Variants in MAT2B observed in about 807,000 individuals in gnomAD.
MAT2B encodes methionine adenosyltransferase 2 non-catalytic beta subunit.
MAT2B carries 16 observed loss-of-function variants against 36.1 expected under a neutral mutation model. The ratio of observed to expected loss-of-function variants is 0.44; its 90% CI spans 0.30 to 0.67. The LOEUF is 0.67. Among genes scored for constraint, MAT2B ranks in the 30% least tolerant of loss-of-function variants. The pLI, the probability that MAT2B is intolerant of heterozygous loss-of-function variation, is 0.09. For synonymous variants in MAT2B, 148 were observed against 136.9 expected (o/e 1.08, Z -0.57); for missense variants, 332 against 398.2 (o/e 0.83, Z 1.42).
In MAT2B at chr5:163,518,824, A is replaced by C. The variant is rs1760175232; in HGVS notation, c.*461A>C. 1 of 152,810 alleles carries C rather than the reference A, an allele frequency of 6.5e-6. No homozygotes were observed. The highest frequency in any genetic ancestry group is 1.5e-5 in the Non-Finnish European group (1 of 68,154). The allele number at this position is 152,810 out of a possible 1,614,324, so 9.5% of individuals were successfully genotyped here. On this transcript the variant is annotated 3_prime_UTR_variant, in exon 7 of 7. Transcript: ENST00000321757. ...AGCTCAGATCAAAATGTTTGAAGAA[A>C]GGAACTTTATTTTTGCAAGTTACGT...
At chr5:163,507,351 G>T (rs548290462) in intron 1 of MAT2B, among the ~76,000 whole-genome samples, 1 of 152,228 alleles carries the variant, frequency 6.6e-6, no homozygotes, top group South Asian at 2.1e-4. Flanking sequence ...GGTATCATTC[G>T]ATTAGATACG....
At chr5:163,510,136 C>T (rs1760014662) in intron 1 of MAT2B, among the ~76,000 whole-genome samples, 1 of 152,144 alleles carries the variant, frequency 6.6e-6, no homozygotes, top group African/African-American at 2.4e-5. Flanking sequence ...GTGATTATAA[C>T]AACTCTTGAG....
Position 163,517,630 on chromosome 5 carries a change from G to A in MAT2B, c.790G>A (p.Ala264Thr). Residue 264 changes from alanine to threonine, a missense_variant, in exon 6 of 7, where the codon GCA becomes ACA. By Grantham distance (58) the Ala-to-Thr change is moderately conservative. Transcript: ENST00000321757. The part of the protein sequence containing the change: ...EQMTKYEMAC[A>T]IADAFNLPSS... Reference sequence around the variant, plus strand: ...GATGACTAAGTATGAAATGGCATGTGCAATTGCAGATGCCTTCAACCTCCC... The same window carrying A: ...GATGACTAAGTATGAAATGGCATGTACAATTGCAGATGCCTTCAACCTCCC... 2 of 1,613,908 alleles carry A rather than the reference G, an allele frequency of 1.2e-6. No homozygotes were observed. Among genetic ancestry groups the A allele is most frequent in the South Asian group, 2.2e-5 (2 of 91,070 alleles).
chr5:163,509,759 A>T (rs1031183495), intron 1 of MAT2B, among the ~76,000 whole-genome samples: 2 of 152,186 alleles, frequency 1.3e-5, no homozygotes, highest in Admixed American at 1.3e-4. Flanking sequence ...TTTACAGTTC[A>T]ATCTTTGTAG....
At chr5:163,514,049 T>C in intron 4 of MAT2B, 55 bp downstream of exon 4, 3 of 1,432,652 alleles carry the variant, frequency 2.1e-6, no homozygotes, top group Non-Finnish European at 2.9e-6. Context: ...AAAAATCATT[T>C]ATACATACAC....
chr5:163,512,839 C>A (rs1760068382), intron 2 of MAT2B: 1 of 334,366 alleles, frequency 3.0e-6, no homozygotes, highest in Non-Finnish European at 5.8e-6. Flanking sequence ...CGCAACCACA[C>A]CTGGCTAATT....
rs373906729 is a variant in MAT2B, at chr5:163,517,138, AAT to A, written c.721-418_721-417del. On this transcript the variant is annotated intron_variant, in intron 5 of 6. Transcript: ENST00000321757. ...ATTAATAGGATGACCACAGTTTTTT[AAT>A]ATATGAGAATTATATTTTGTAATAT... 101 of 223,064 alleles carry A rather than the reference AAT, an allele frequency of 4.5e-4. 1 individual carries two copies. The East Asian group carries it at 8.8e-3, about 19-fold the overall frequency. The allele number at this position is 223,064 out of a possible 1,614,324, so 13.8% of individuals were successfully genotyped here.
upstream of MAT2B, chr5:163,503,387 C>CTGGAGTCATGCCTGAAATGCCAGAGGACA: frequency 2.5e-6 from 4 of 1,613,858 alleles, no homozygotes; most frequent in Non-Finnish European, 3.4e-6. Context: ...TGAAATAATT[C>CTGGAGTCATGCCTGAAATGCCAGAGGACA]TGGAGTCATG....
chr5:163,511,365 G>A (rs929584202), intron 1 of MAT2B, among the ~76,000 whole-genome samples: 9 of 150,498 alleles, frequency 6.0e-5, no homozygotes, highest in East Asian at 1.9e-4. Flanking sequence ...TCCCAGGCTC[G>A]TGATCCTCCC....
chr5:163,511,311 G>T (rs562835433), intron 1 of MAT2B, among the ~76,000 whole-genome samples: 2 of 151,478 alleles, frequency 1.3e-5, no homozygotes, highest in Admixed American at 1.3e-4. Flanking sequence ...CTGTCCCCCA[G>T]ACTGGAGTGC....
rs1033489586 is a variant in MAT2B at position 163,512,025 on chromosome 5, G to A, written c.87G>A (p.Arg29=). ...AGGAGGAAGTTAACATCCCTAATAGGAGGGTTCTGGTTACTGGTGCCACTG... is the reference window on the plus strand; with the variant it reads ...AGGAGGAAGTTAACATCCCTAATAGAAGGGTTCTGGTTACTGGTGCCACTG... ...LVEEEVNIPN[R]RVLVTGATGL... The change falls in exon 2 of 7, where the codon AGG becomes AGA. Residue 29 remains arginine, a synonymous_variant. Transcript: ENST00000321757. The A allele has an allele frequency of 6.2e-7, 1 of 1,613,812 alleles. No homozygotes were observed. Among genetic ancestry groups the A allele is most frequent in the Non-Finnish European group, 8.5e-7 (1 of 1,179,920 alleles).
Position 163,518,418 on chromosome 5 carries a change from C to A in MAT2B, c.*55C>A. 6.9e-7 allele frequency: 1 copy of A among 1,442,532 alleles called. No homozygotes were observed. The highest frequency in any genetic ancestry group is 1.3e-5 in the South Asian group (1 of 75,424). The allele number at this position is 1,442,532 out of a possible 1,614,324, so 89.4% of individuals were successfully genotyped here. A position where few individuals can be genotyped will look rare whatever the true frequency, so the allele number is the denominator to read the frequency against. On this transcript the variant is annotated 3_prime_UTR_variant, in exon 7 of 7. Transcript: ENST00000321757. ...TAAATGAAAAGTATAGTATGTGGCACTTTTTAAAGAACAAAGGAAATAGTT... is the reference window on the plus strand; with the variant it reads ...TAAATGAAAAGTATAGTATGTGGCAATTTTTAAAGAACAAAGGAAATAGTT...
At chr5:163,517,273 T>C in intron 5 of MAT2B, 1 of 222,078 alleles carries the variant, frequency 4.5e-6, no homozygotes, top group Non-Finnish European at 9.0e-6. Context: ...TGTACTGTTT[T>C]CATAAAAATT....
intron 2 of MAT2B, chr5:163,513,025 G>A: frequency 5.0e-6 from 1 of 201,708 alleles, no homozygotes; most frequent in South Asian, 6.9e-5. Context: ...TCACTCTGTA[G>A]CCCAGGGTGA....
chr5:163,513,623 C>T lies in MAT2B; in HGVS notation c.327C>T (p.Ala109=), dbSNP rs768973562. The T allele has an allele frequency of 2.0e-5, 32 of 1,613,952 alleles. No individual in the cohort carries two copies. In the South Asian group the frequency reaches 2.3e-4, roughly 12 times the overall value. ...PDVVENQPDA[A]SQLNVDASGN... is the part of the protein sequence containing the mutation. ...TTGTAGAAAATCAGCCAGATGCTGC[C>T]TCTCAACTTAATGTGGATGCTTCTG... The change falls in exon 3 of 7, where the codon GCC becomes GCT. Residue 109 remains alanine, a synonymous_variant. Transcript: ENST00000321757.
chr5:163,517,836 A>C (rs1419819818), intron 6 of MAT2B, 162 bp downstream of exon 6: 1 of 542,032 alleles, frequency 1.8e-6, no homozygotes, highest in Non-Finnish European at 3.4e-6. Flanking sequence ...AGAGAAGATC[A>C]TGAGTATTGA....
intron 4 of MAT2B, among the ~76,000 whole-genome samples, chr5:163,515,220 T>C (rs974357951): frequency 6.6e-6 from 1 of 152,238 alleles, no homozygotes; most frequent in African/African-American, 2.4e-5. Context: ...CTAAGTTCTC[T>C]TGTCATGTAA....
chr5:163,505,866 A>T (rs1292014331), intron 1 of MAT2B, 117 bp downstream of exon 1: 2 of 801,918 alleles, frequency 2.5e-6, no homozygotes, highest in Non-Finnish European at 3.4e-6. Flanking sequence ...TCCGGCCGGG[A>T]GTGGTCTCAC....
At chr5:163,515,773 T>TTTTC (rs1561658055) in intron 4 of MAT2B, among the ~76,000 whole-genome samples, 3 of 76,192 alleles carry the variant, frequency 3.9e-5, no homozygotes, top group Non-Finnish European at 7.4e-5. Context: ...CCTTTTTCTT[T>TTTTC]TTTTTTTTTT....
Sources: gnomAD v4.1 joint callset for allele counts (sites outside exome capture counted in the v4.1 genomes callset) on GRCh38, gnomAD v4.1.1 for gene constraint, MANE v1.5 for transcripts, NCBI Gene and HGNC (gene_info 2026-07-23, HGNC 2026-07-21) for gene names.